The following STS variants were observed in gnomAD, a reference collection of about 807,000 sequenced individuals.
STS encodes steroid sulfatase.
A neutral mutation model predicts 26.8 loss-of-function variants in STS; 7 were observed. That is an observed-to-expected ratio of 0.26 (90% CI 0.15 to 0.49). The LOEUF is 0.49. Among genes scored for constraint, STS ranks in the 20% least tolerant of loss-of-function variants. The pLI, the probability that STS is intolerant of heterozygous loss-of-function variation, is 0.98. For synonymous variants in STS, 199 were observed against 189.4 expected (o/e 1.05, Z -0.42); for missense variants, 434 against 465.6 (o/e 0.93, Z 0.63).
intron 10 of STS, among the ~76,000 whole-genome samples, chrX:7,337,516 A>G (rs1287659376): frequency 8.9e-6 from 1 of 112,339 alleles, no homozygotes; most frequent in Non-Finnish European, 1.9e-5. Flanking sequence ...GAGCTTGCCA[A>G]TAATCACTAG....
chrX:7,339,554 G>A (rs143239815), intron 10 of STS, among the ~76,000 whole-genome samples: 2,764 of 112,188 alleles, frequency 0.025, 46 homozygotes, highest in African/African-American at 0.056. Context: ...TGCCTGTGAA[G>A]CCCAGTACAA....
intron 8 of STS, among the ~76,000 whole-genome samples, chrX:7,309,926 G>A (rs1333895529): frequency 8.9e-6 from 1 of 111,904 alleles, no homozygotes; most frequent in African/African-American, 3.2e-5. Flanking sequence ...TCTGGTCAAA[G>A]TTTAGAAATC....
chrX:7,276,107 G>A lies in STS; in HGVS notation c.943+20G>A. The A allele has an allele frequency of 1.7e-6, 2 of 1,207,542 alleles. No homozygotes were observed. Among genetic ancestry groups the A allele is most frequent in the South Asian group, 3.5e-5 (2 of 56,735 alleles). On this transcript the variant is annotated intron_variant, in intron 7 of 10. Transcript: ENST00000674429. ...GTGTGGGTACGTTTCTCCTCAGTGA[G>A]TGCTTAGAAAGCTGCTAAGTCTTTG...
chrX:7,310,087 A>G (rs1161140213), intron 8 of STS, among the ~76,000 whole-genome samples: 2 of 112,225 alleles, frequency 1.8e-5, no homozygotes, highest in Non-Finnish European at 1.9e-5. Context: ...TTCCCATTTA[A>G]TAATTAAGAA....
chrX:7,155,371 A>G (rs370099436), intron 1 of STS, among the ~76,000 whole-genome samples: 2 of 112,273 alleles, frequency 1.8e-5, no homozygotes, highest in East Asian at 5.6e-4. Context: ...GATTTTGCCA[A>G]GTCAGCGTGA....
At chrX:7,194,120 G>A (rs1190277144) in intron 2 of STS, among the ~76,000 whole-genome samples, 2 of 110,847 alleles carry the variant, frequency 1.8e-5, no homozygotes, top group Non-Finnish European at 3.8e-5. Flanking sequence ...GGCCAGGCTG[G>A]TCTCGAACTC....
chrX:7,182,730 T>C (rs1034527427), intron 1 of STS, among the ~76,000 whole-genome samples: 2 of 110,864 alleles, frequency 1.8e-5, no homozygotes, highest in East Asian at 5.7e-4. Flanking sequence ...CCTGTCTACC[T>C]CTCTAGACTC....
At chrX:7,319,955 T>A (rs1926889274) in intron 8 of STS, among the ~76,000 whole-genome samples, 2 of 94,437 alleles carry the variant, frequency 2.1e-5, no homozygotes, top group Admixed American at 2.6e-4. Flanking sequence ...ATATGTATAT[T>A]TATATATATA....
intron 2 of STS, among the ~76,000 whole-genome samples, chrX:7,220,846 C>T (rs1161896407): frequency 9.0e-6 from 1 of 111,306 alleles, no homozygotes; most frequent in Admixed American, 9.5e-5. Flanking sequence ...CTGCGCCTGG[C>T]CATCAGATGG....
chrX:7,297,730 G>A (rs1156885974), intron 7 of STS, among the ~76,000 whole-genome samples: 1 of 111,939 alleles, frequency 8.9e-6, no homozygotes, highest in South Asian at 3.7e-4. Context: ...CTTCAGAGAG[G>A]ATGATTCTCC....
At chrX:7,152,039 G>A (rs751238429) in intron 1 of STS, among the ~76,000 whole-genome samples, 1 of 110,760 alleles carries the variant, frequency 9.0e-6, no homozygotes, top group African/African-American at 3.3e-5. Context: ...TGCAAGCTCC[G>A]CCTCTCGGGT....
chrX:7,205,630 TTTTC>T (rs1934204352), intron 2 of STS, among the ~76,000 whole-genome samples: 1 of 96,279 alleles, frequency 1.0e-5, no homozygotes, highest in African/African-American at 3.9e-5. Flanking sequence ...TTTTCTTTTC[TTTTC>T]TTTTTTCTTT....
chrX:7,173,107 AG>A (rs1369904362), intron 1 of STS, among the ~76,000 whole-genome samples: 1 of 110,365 alleles, frequency 9.1e-6, no homozygotes, highest in Non-Finnish European at 1.9e-5. Context: ...CTCCCCACAC[AG>A]GCCCCAGTGT....
intron 1 of STS, among the ~76,000 whole-genome samples, chrX:7,174,810 G>T (rs1933534155): frequency 9.0e-6 from 1 of 111,038 alleles, no homozygotes; most frequent in African/African-American, 3.3e-5. Flanking sequence ...CATCAGATCT[G>T]CCTCCCTAAC....
At chrX:7,219,447 TG>T in intron 2 of STS, 1 of 1,063,741 alleles carries the variant, frequency 9.4e-7, no homozygotes, top group Non-Finnish European at 1.2e-6. Context: ...TCACATTATC[TG>T]CCCAAGCACA....
At chrX:7,315,623 T>C (rs1167960777) in intron 8 of STS, among the ~76,000 whole-genome samples, 1 of 111,429 alleles carries the variant, frequency 9.0e-6, no homozygotes, top group Non-Finnish European at 1.9e-5. Context: ...CAGCCTTTGG[T>C]CTGTGGTCGA....
At chrX:7,198,920 T>G (rs1052149411) in intron 2 of STS, among the ~76,000 whole-genome samples, 12 of 111,995 alleles carry the variant, frequency 1.1e-4, no homozygotes, top group African/African-American at 3.9e-4. Flanking sequence ...GCAGCAAGTT[T>G]TTTTTTTTTT....
chrX:7,159,511 G>A (rs1175595820), intron 1 of STS, among the ~76,000 whole-genome samples: 1 of 112,132 alleles, frequency 8.9e-6, no homozygotes, highest in African/African-American at 3.2e-5. Context: ...AATCATCACT[G>A]TTTGTCTGTC....
At chrX:7,333,143 G>A (rs1927840412) in intron 9 of STS, among the ~76,000 whole-genome samples, 1 of 112,195 alleles carries the variant, frequency 8.9e-6, no homozygotes, top group Non-Finnish European at 1.9e-5. Context: ...TTTTTAATCA[G>A]AGAAAGAAAA....
Sources: gnomAD v4.1 joint callset for allele counts (sites outside exome capture counted in the v4.1 genomes callset) on GRCh38, gnomAD v4.1.1 for gene constraint, MANE v1.5 for transcripts, NCBI Gene and HGNC (gene_info 2026-07-23, HGNC 2026-07-21) for gene names.